SEMA6D: variants seen among roughly 807,000 people sequenced by gnomAD.
SEMA6D encodes semaphorin 6D.
In SEMA6D, 35 loss-of-function variants were observed where a neutral mutation model predicts 106.6. That is an observed-to-expected ratio of 0.33 (90% CI 0.25 to 0.44). SEMA6D has a LOEUF of 0.44. Among genes scored for constraint, SEMA6D ranks in the 20% least tolerant of loss-of-function variants. SEMA6D has a pLI of 1.00. For synonymous variants in SEMA6D, 499 were observed against 487.7 expected, an observed-to-expected ratio of 1.02 and a Z score of -0.31; for missense variants, 1,185 against 1,345.9, an observed-to-expected ratio of 0.88 and a Z score of 1.87.
At chr15:47,480,795 G>C (rs997120952) in intron 3 of SEMA6D, among the ~76,000 whole-genome samples, 2 of 152,096 alleles carry the variant, frequency 1.3e-5, no homozygotes, top group Non-Finnish European at 2.9e-5. Flanking sequence ...TTGTATCCTT[G>C]TAACAAAACC....
intron 2 of SEMA6D, among the ~76,000 whole-genome samples, chr15:47,420,699 A>C (rs1258156018): frequency 6.6e-6 from 1 of 152,134 alleles, no homozygotes; most frequent in Admixed American, 6.6e-5. Flanking sequence ...TAAAACCAAC[A>C]TCTTTTTGGG....
chr15:47,651,513 C>A (rs540883976), intron 4 of SEMA6D, among the ~76,000 whole-genome samples: 2 of 152,306 alleles, frequency 1.3e-5, no homozygotes, highest in East Asian at 3.9e-4. Context: ...CATAGCTGAT[C>A]TTATTGGGAC....
rs140686202 is a variant in SEMA6D, at chr15:47,624,374, G to A, written c.-55+23478G>A. The stretch of plus-strand genomic sequence containing the variant: ...AATAAGATAAAAAGAGTTATTAATG[G>A]TGTTGACCTGAGAAGCTCTATCAAA... On this transcript the variant is annotated intron_variant, in intron 4 of 19. Transcript: ENST00000558014. Among the ~76,000 whole-genome samples, 207 of 152,270 alleles carry A rather than the reference G, an allele frequency of 1.4e-3. 1 individual carries two copies. The highest frequency in any genetic ancestry group is 4.8e-3 in the African/African-American group (200 of 41,552).
chr15:47,721,977 A>AT (rs1342075094), intron 1 of SEMA6D, among the ~76,000 whole-genome samples: 3 of 152,012 alleles, frequency 2.0e-5, no homozygotes, highest in Non-Finnish European at 4.4e-5. Context: ...GGCTACAGCA[A>AT]TTTTTTCTTC....
At chr15:47,375,974 CT>C (rs1421561166) in intron 1 of SEMA6D, among the ~76,000 whole-genome samples, 5 of 152,294 alleles carry the variant, frequency 3.3e-5, no homozygotes, top group East Asian at 3.9e-4. Context: ...CTGTTCCCAG[CT>C]TGTGGTTGTA....
chr15:47,423,124 T>G (rs2041224642), intron 2 of SEMA6D, among the ~76,000 whole-genome samples: 1 of 152,136 alleles, frequency 6.6e-6, no homozygotes, highest in South Asian at 2.1e-4. Context: ...CTGTGTGCTG[T>G]AATGCATATA....
intron 1 of SEMA6D, among the ~76,000 whole-genome samples, chr15:47,190,241 G>A (rs1305308115): frequency 1.3e-5 from 2 of 152,182 alleles, no homozygotes; most frequent in East Asian, 3.9e-4. Context: ...GTTCAGGTAT[G>A]AATAACTCTT....
chr15:47,684,224 A>T (rs1012538614), intron 4 of SEMA6D, among the ~76,000 whole-genome samples: 1 of 152,112 alleles, frequency 6.6e-6, no homozygotes, highest in Non-Finnish European at 1.5e-5. Flanking sequence ...AATATGCCCC[A>T]GTCTGCTTAA....
chr15:47,726,540 C>T (rs1461350333), intron 1 of SEMA6D, among the ~76,000 whole-genome samples: 1 of 152,190 alleles, frequency 6.6e-6, no homozygotes, highest in African/African-American at 2.4e-5. Context: ...AGAACATGAA[C>T]TCTTGGAGTC....
chr15:47,741,713 TAA>T (rs914365616), intron 1 of SEMA6D, among the ~76,000 whole-genome samples: 1 of 146,114 alleles, frequency 6.8e-6, no homozygotes, highest in East Asian at 2.0e-4. Flanking sequence ...AAACTCCATC[TAA>T]AAAAAAAAAG....
Position 47,772,330 on chromosome 15 carries a change from G to T in SEMA6D, c.*545G>T. ...TTTTCATGTGTGGCATCTTTTTCAT[G>T]CCACCAACAAACTTGTTGTGTGTGT... is the stretch of plus-strand genomic sequence containing the variant. On this transcript the variant is annotated 3_prime_UTR_variant, in exon 19 of 19. Coordinates refer to ENST00000536845, the MANE Select transcript of SEMA6D (RefSeq NM_001358351.3). 1 of 148,872 alleles carries T rather than the reference G, an allele frequency of 6.7e-6. No individual in the cohort carries two copies. The highest frequency in any genetic ancestry group is 1.4e-5 in the Non-Finnish European group (1 of 69,136). The allele number at this position is 148,872 out of a possible 1,614,324, so 9.2% of individuals were successfully genotyped here. A position where few individuals can be genotyped will look rare whatever the true frequency, so the allele number is the denominator to read the frequency against.
rs1036904488 is a variant in SEMA6D at position 47,539,469 on chromosome 15, G to C, written c.-86-61396G>C. Reference sequence around the variant, plus strand: ...TTGAGACAGTCTTGCTCTGTCTCCAGGCTGGAGTGCAGTGGCGTGATCTCA... The same window carrying C: ...TTGAGACAGTCTTGCTCTGTCTCCACGCTGGAGTGCAGTGGCGTGATCTCA... On this transcript the variant is annotated intron_variant, in intron 3 of 19. Coordinates refer to the SEMA6D transcript ENST00000558014. 2.2e-4 allele frequency among the ~76,000 whole-genome samples: 34 copies of C among 151,864 alleles called. 1 individual carries two copies. The highest frequency in any genetic ancestry group is 5.9e-5 in the Non-Finnish European group (4 of 67,994).
intron 1 of SEMA6D, among the ~76,000 whole-genome samples, chr15:47,264,397 C>T (rs1465395173): frequency 1.3e-5 from 2 of 150,388 alleles, no homozygotes; most frequent in East Asian, 1.9e-4. Context: ...TTTAATTTCT[C>T]TTGAGCATAT....
chr15:47,502,211 A>G (rs1727671514), intron 3 of SEMA6D, among the ~76,000 whole-genome samples: 1 of 152,152 alleles, frequency 6.6e-6, no homozygotes, highest in Non-Finnish European at 1.5e-5. Flanking sequence ...TCTGTTCCCA[A>G]AATACATTTT....
intron 4 of SEMA6D, among the ~76,000 whole-genome samples, chr15:47,620,991 C>G (rs138140302): frequency 6.6e-6 from 1 of 151,780 alleles, no homozygotes; most frequent in East Asian, 1.9e-4. Flanking sequence ...GAAGAACACA[C>G]AGGGTGATAT....
chr15:47,731,097 A>G (rs898610303), intron 1 of SEMA6D, among the ~76,000 whole-genome samples: 1 of 152,164 alleles, frequency 6.6e-6, no homozygotes, highest in African/African-American at 2.4e-5. Context: ...TCTCAAATTT[A>G]TTATTGCCAT....
chr15:47,321,047 T>A (rs1028357722), intron 1 of SEMA6D, among the ~76,000 whole-genome samples: 2 of 152,204 alleles, frequency 1.3e-5, no homozygotes, highest in Non-Finnish European at 1.5e-5. Context: ...TTAGAAATAT[T>A]TTTTCCCTCT....
At chr15:47,646,971 T>C (rs1238862021) in intron 4 of SEMA6D, among the ~76,000 whole-genome samples, 1 of 152,214 alleles carries the variant, frequency 6.6e-6, no homozygotes, top group Non-Finnish European at 1.5e-5. Context: ...TGTGGTTAAT[T>C]GTGCAGCAAC....
intron 4 of SEMA6D, among the ~76,000 whole-genome samples, chr15:47,697,015 A>G (rs778997627): frequency 3.3e-5 from 5 of 152,168 alleles, no homozygotes; most frequent in African/African-American, 9.6e-5. Context: ...CTCTACTGCA[A>G]TGGGATCAGA....
Sources: gnomAD v4.1 joint callset for allele counts (sites outside exome capture counted in the v4.1 genomes callset) on GRCh38, gnomAD v4.1.1 for gene constraint, MANE v1.5 for transcripts, NCBI Gene and HGNC (gene_info 2026-07-23, HGNC 2026-07-21) for gene names.